Variants in PLPP1 observed in about 807,000 individuals in gnomAD.
The protein encoded by PLPP1 is phospholipid phosphatase 1, also known as lipid phosphate phosphohydrolase 1a.
PLPP1 carries 24 observed loss-of-function variants against 31.2 expected under a neutral mutation model. The observed-to-expected ratio is 0.77, with a 90% CI of 0.56 to 1.08. The LOEUF (loss-of-function observed/expected upper bound fraction) is 1.08. Ranked by LOEUF, PLPP1 falls within the 50% of genes least tolerant of loss-of-function variation. PLPP1 has a pLI of 0.00. For synonymous variants in PLPP1, 146 were observed against 126.3 expected (o/e 1.16, Z -1.05); for missense variants, 319 against 342.7 (o/e 0.93, Z 0.55).
intron 1 of PLPP1, among the ~76,000 whole-genome samples, chr5:55,530,921 G>A (rs998584515): frequency 2.0e-5 from 3 of 152,020 alleles, no homozygotes; most frequent in East Asian, 3.8e-4. Context: ...CAGCGGCCCC[G>A]ATGGTGACAT....
intron 3 of PLPP1, among the ~76,000 whole-genome samples, chr5:55,449,273 A>G (rs1751841496): frequency 6.6e-6 from 1 of 152,216 alleles, no homozygotes; most frequent in Non-Finnish European, 1.5e-5. Context: ...CTCCAGGGAA[A>G]GGTATCAAAT....
chr5:55,483,401 C>T (rs960926478), intron 1 of PLPP1, among the ~76,000 whole-genome samples: 1 of 151,974 alleles, frequency 6.6e-6, no homozygotes, highest in African/African-American at 2.4e-5. Flanking sequence ...CTAGGTGCAG[C>T]GGCTCATGCC....
At chr5:55,426,154 G>GACC in intron 4 of PLPP1, 115 bp from the exon 5 acceptor site, 1 of 914,828 alleles carries the variant, frequency 1.1e-6, no homozygotes, top group Non-Finnish European at 1.6e-6. Flanking sequence ...TAGGGAACAG[G>GACC]ACTTCTAGGC....
At chr5:55,516,978 T>C (rs1753567955) in intron 1 of PLPP1, among the ~76,000 whole-genome samples, 1 of 152,214 alleles carries the variant, frequency 6.6e-6, no homozygotes, top group African/African-American at 2.4e-5. Flanking sequence ...TATTAATATG[T>C]CTTTATCTCA....
chr5:55,531,924 C>T (rs1305100426), intron 1 of PLPP1, among the ~76,000 whole-genome samples: 1 of 152,128 alleles, frequency 6.6e-6, no homozygotes, highest in Non-Finnish European at 1.5e-5. Flanking sequence ...GAATTCTGAG[C>T]TTATAGTGAT....
In PLPP1 at chr5:55,439,858, T is replaced by C. The variant is rs190008535; in HGVS notation, c.549+1993A>G. ...TAAAATTACAAACAGTGGGTCAAAG[T>C]TATGTGTCAGTCACTTCCAGAATGC... is the stretch of plus-strand genomic sequence containing the variant. On this transcript the variant is annotated intron_variant, in intron 4 of 5. Coordinates refer to ENST00000307259, the MANE Select transcript of PLPP1 (RefSeq NM_003711.4). 3.5e-4 allele frequency among the ~76,000 whole-genome samples: 54 copies of C among 152,296 alleles called. No individual in the cohort carries two copies. The Middle Eastern group carries it at 0.01, about 29-fold the overall frequency.
At chr5:55,492,625 AATTGC>A (rs1752918603) in intron 1 of PLPP1, among the ~76,000 whole-genome samples, 2 of 152,164 alleles carry the variant, frequency 1.3e-5, no homozygotes. Flanking sequence ...GAAGCATGAG[AATTGC>A]ATCAACAAGA....
At chr5:55,443,359 G>T (rs916597764) in intron 3 of PLPP1, among the ~76,000 whole-genome samples, 12 of 150,998 alleles carry the variant, frequency 7.9e-5, no homozygotes, top group Non-Finnish European at 8.9e-5. Flanking sequence ...AATTATTCTG[G>T]GTTTAGTCTA....
At chr5:55,480,669 C>A (rs1752650462) in intron 1 of PLPP1, among the ~76,000 whole-genome samples, 1 of 152,140 alleles carries the variant, frequency 6.6e-6, no homozygotes, top group South Asian at 2.1e-4. Context: ...GTATATACCA[C>A]ATTTGGTTTA....
At chr5:55,490,933 T>A in intron 1 of PLPP1, 1 of 1,593,512 alleles carries the variant, frequency 6.3e-7, no homozygotes, top group Non-Finnish European at 8.6e-7. Context: ...AACAAACCCA[T>A]CACTACCTAC....
intron 2 of PLPP1, among the ~76,000 whole-genome samples, chr5:55,472,184 T>C (rs1309484337): frequency 6.6e-6 from 1 of 152,204 alleles, no homozygotes; most frequent in African/African-American, 2.4e-5. Context: ...TTTTCAGTGA[T>C]ACTGTAGAGA....
intron 1 of PLPP1, among the ~76,000 whole-genome samples, chr5:55,529,019 G>A (rs750698301): frequency 1.3e-5 from 2 of 151,984 alleles, no homozygotes; most frequent in African/African-American, 4.8e-5. Flanking sequence ...CTGAGAATAA[G>A]AAATGAGCAC....
intron 1 of PLPP1, among the ~76,000 whole-genome samples, chr5:55,530,949 C>CCGAGGTGACGGG (rs1740646962): frequency 6.6e-6 from 1 of 152,214 alleles, no homozygotes; most frequent in Non-Finnish European, 1.5e-5. Context: ...GCGGCAGCGG[C>CCGAGGTGACGGG]CGAGGTGACG....
intron 3 of PLPP1, among the ~76,000 whole-genome samples, chr5:55,446,549 G>T (rs1463001499): frequency 6.6e-6 from 1 of 152,154 alleles, no homozygotes; most frequent in Admixed American, 6.5e-5. Context: ...GACTGTCTCA[G>T]GGTAGCTTGT....
At chr5:55,452,413 C>G (rs1488798827) in intron 3 of PLPP1, among the ~76,000 whole-genome samples, 1 of 152,162 alleles carries the variant, frequency 6.6e-6, no homozygotes, top group Non-Finnish European at 1.5e-5. Flanking sequence ...TCCTGAGGCC[C>G]TCACCAGAAG....
chr5:55,486,743 T>C (rs182680636), intron 1 of PLPP1, among the ~76,000 whole-genome samples: 1 of 151,596 alleles, frequency 6.6e-6, no homozygotes, highest in Non-Finnish European at 1.5e-5. Flanking sequence ...TGAAACCCCA[T>C]CTCTACTAAA....
intron 1 of PLPP1, among the ~76,000 whole-genome samples, chr5:55,523,230 G>A (rs555670164): frequency 4.0e-5 from 6 of 151,714 alleles, no homozygotes; most frequent in East Asian, 1.9e-4. Flanking sequence ...TTTGTGTTAC[G>A]AACAATCCAA....
chr5:55,530,857 G>A (rs1280650598), intron 1 of PLPP1, among the ~76,000 whole-genome samples: 1 of 152,234 alleles, frequency 6.6e-6, no homozygotes, highest in Non-Finnish European at 1.5e-5. Context: ...TGTGGCCGCG[G>A]AGAGGTCCTC....
intron 3 of PLPP1, among the ~76,000 whole-genome samples, chr5:55,442,545 G>A (rs1164707731): frequency 2.0e-5 from 3 of 151,838 alleles, no homozygotes; most frequent in Non-Finnish European, 2.9e-5. Context: ...CCAGCTACTC[G>A]GGAGGCTGAG....
Sources: gnomAD v4.1 joint callset for allele counts (sites outside exome capture counted in the v4.1 genomes callset) on GRCh38, gnomAD v4.1.1 for gene constraint, MANE v1.5 for transcripts, NCBI Gene and HGNC (gene_info 2026-07-23, HGNC 2026-07-21) for gene names.